CDCA7L: variants seen among roughly 807,000 people sequenced by gnomAD.
The protein encoded by CDCA7L is cell division cycle-associated 7-like protein.
In CDCA7L, 44 loss-of-function variants were observed where a neutral mutation model predicts 57.4. The ratio of observed to expected loss-of-function variants is 0.77; its 90% confidence interval spans 0.60 to 0.98. CDCA7L has a LOEUF of 0.98. CDCA7L is among the 50% of genes least tolerant of loss of function. CDCA7L has a pLI of 0.00. For synonymous variants in CDCA7L, 236 were observed against 202.8 expected (o/e 1.16, Z -1.39); for missense variants, 644 against 580.6 (o/e 1.11, Z -1.12).
intron 7 of CDCA7L, among the ~76,000 whole-genome samples, chr7:21,904,810 G>A (rs539684999): frequency 1.3e-5 from 2 of 152,250 alleles, no homozygotes; most frequent in East Asian, 3.9e-4. Flanking sequence ...TAGGTCAGAT[G>A]AGGCTGAGCA....
chr7:21,908,358 C>A lies in CDCA7L; in HGVS notation c.453G>T (p.Lys151Asn). Residue 151 changes from lysine (K) to asparagine (N), a missense_variant, in exon 4 of 10, where the codon AAG (lysine) becomes AAT (asparagine). Physicochemically the swap from Lys to Asn is moderately conservative, Grantham distance 94. Coordinates refer to ENST00000406877, the MANE Select transcript of CDCA7L (RefSeq NM_018719.5). ...TTTTATCTGGTTTGTTGGCCAGCTTCTTGGTGGGGAACTGAAAGGCTACTC... is the reference window on the plus strand; with the variant it reads ...TTTTATCTGGTTTGTTGGCCAGCTTATTGGTGGGGAACTGAAAGGCTACTC... ...GLRVAFQFPTKKLANKPDKNS... is the reference protein window; with the variant it reads ...GLRVAFQFPTNKLANKPDKNS... The A allele has an allele frequency of 6.2e-7, 1 of 1,610,604 alleles. No individual in the cohort carries two copies. The highest frequency in any genetic ancestry group is 8.5e-7 in the Non-Finnish European group (1 of 1,179,102).
At chr7:21,912,499 C>T (rs1583851340) in intron 2 of CDCA7L, among the ~76,000 whole-genome samples, 1 of 152,194 alleles carries the variant, frequency 6.6e-6, no homozygotes, top group Admixed American at 6.5e-5. Context: ...AGAACCAAAA[C>T]ACATGGAAAG....
rs988566131 is a variant in CDCA7L at position 21,901,209 on chromosome 7, T to G, written c.*1113A>C. On this transcript the variant is annotated 3_prime_UTR_variant, in exon 10 of 10. Coordinates refer to ENST00000406877, the MANE Select transcript of CDCA7L (RefSeq NM_018719.5). ...TCAGGCTGAAGAGCGAAGAGAAGACTGCAAAATGGGTTCTGGCTGGAGTGG... is the reference window on the plus strand; with the variant it reads ...TCAGGCTGAAGAGCGAAGAGAAGACGGCAAAATGGGTTCTGGCTGGAGTGG... 19 of 1,613,742 alleles carry G rather than the reference T, an allele frequency of 1.2e-5. No homozygotes were observed. The highest frequency in any genetic ancestry group is 1.6e-5 in the Non-Finnish European group (19 of 1,179,796).
chr7:21,941,822 A>AT (rs1259506578), intron 1 of CDCA7L, among the ~76,000 whole-genome samples: 1 of 152,236 alleles, frequency 6.6e-6, no homozygotes, highest in African/African-American at 2.4e-5. Context: ...ATTAAATCTG[A>AT]TAACTTTTAA....
At position 21,903,071 on chromosome 7, in the gene CDCA7L, T is replaced by A. The variant is rs879754457; in HGVS notation, c.1241A>T (p.Tyr414Phe). The A allele has an allele frequency of 1.2e-6, 2 of 1,613,868 alleles. No individual in the cohort carries two copies. The highest frequency in any genetic ancestry group is 1.7e-6 in the Non-Finnish European group (2 of 1,179,926). The change falls in exon 9 of 10, where the codon TAC becomes TTC. Residue 414 changes from tyrosine (Y) to phenylalanine (F), a missense_variant. By Grantham distance (22) the Tyr-to-Phe change is conservative. Coordinates refer to ENST00000406877, the MANE Select transcript of CDCA7L (RefSeq NM_018719.5). ...PPCRGICNCS[Y>F]CRKRDGRCAT... ...ACAGCGGCCGTCACGCTTCCGACAG[T>A]AGCTGCAATTGCAGATCCCACGACA...
Position 21,904,277 on chromosome 7 carries a change from T to G in CDCA7L, c.1048-18A>C. ...GTGTTACCCTACAGGGGGAAGGCAG[T>G]GAGCAGGTGAACACAGGGATATGCT... On this transcript the variant is annotated intron_variant, in intron 7 of 9. Coordinates refer to ENST00000406877, the MANE Select transcript of CDCA7L (RefSeq NM_018719.5). 1 of 1,581,962 alleles carries G rather than the reference T, an allele frequency of 6.3e-7. No individual in the cohort carries two copies.
At chr7:21,906,714 G>C in intron 4 of CDCA7L, 75 bp from the exon 5 acceptor site, 1 of 1,425,900 alleles carries the variant, frequency 7.0e-7, no homozygotes, top group Non-Finnish European at 9.9e-7. Flanking sequence ...CCTATCTCAA[G>C]TCTTCCATTT....
chr7:21,926,980 T>A (rs2082617508), intron 1 of CDCA7L, among the ~76,000 whole-genome samples: 2 of 152,192 alleles, frequency 1.3e-5, no homozygotes, highest in Non-Finnish European at 2.9e-5. Flanking sequence ...AGAAAAGATC[T>A]AAGATGATCT....
chr7:21,904,708 G>C (rs1198643310), intron 7 of CDCA7L, among the ~76,000 whole-genome samples: 1 of 152,158 alleles, frequency 6.6e-6, no homozygotes, highest in Non-Finnish European at 1.5e-5. Context: ...TGGAAAAACT[G>C]TCTTTCACAA....
intron 1 of CDCA7L, among the ~76,000 whole-genome samples, chr7:21,945,327 T>G (rs1786485277): frequency 1.3e-5 from 2 of 152,024 alleles, no homozygotes; most frequent in African/African-American, 4.8e-5. Flanking sequence ...TTAAACTCCA[T>G]TATCCAAGTT....
At chr7:21,942,085 A>G (rs1002830326) in intron 1 of CDCA7L, among the ~76,000 whole-genome samples, 1 of 152,202 alleles carries the variant, frequency 6.6e-6, no homozygotes, top group Non-Finnish European at 1.5e-5. Context: ...ACCAATGCCT[A>G]GCACATAACC....
intron 1 of CDCA7L, among the ~76,000 whole-genome samples, chr7:21,944,375 C>G (rs150035560): frequency 2.9e-5 from 4 of 139,838 alleles, no homozygotes; most frequent in Non-Finnish European, 6.0e-5. Context: ...TGCTTGAACC[C>G]GGGAGGCGAA....
chr7:21,908,569 G>A (rs951405512), intron 3 of CDCA7L, 62 bp from the exon 4 acceptor site: 2 of 1,385,760 alleles, frequency 1.4e-6, no homozygotes, highest in Admixed American at 2.8e-5. Context: ...AAAAAGACAT[G>A]CATTTAAAAC....
intron 1 of CDCA7L, among the ~76,000 whole-genome samples, chr7:21,920,580 GAAC>G (rs1487890761): frequency 1.3e-5 from 2 of 152,152 alleles, no homozygotes; most frequent in African/African-American, 4.8e-5. Flanking sequence ...GGACAAACAA[GAAC>G]AACACTTACA....
At chr7:21,916,915 G>T in intron 1 of CDCA7L, 21 bp from the exon 2 acceptor site, 2 of 1,613,690 alleles carry the variant, frequency 1.2e-6, no homozygotes, top group Non-Finnish European at 1.7e-6. Context: ...TTCAAAAGAG[G>T]CAGGATTAAA....
At chr7:21,914,456 A>C (rs767272774) in intron 2 of CDCA7L, among the ~76,000 whole-genome samples, 3 of 152,192 alleles carry the variant, frequency 2.0e-5, no homozygotes, top group African/African-American at 7.2e-5. Context: ...ACACGGAGGG[A>C]AAGAAAATCC....
intron 1 of CDCA7L, among the ~76,000 whole-genome samples, chr7:21,933,818 A>G (rs1786087238): frequency 6.6e-6 from 1 of 152,020 alleles, no homozygotes; most frequent in South Asian, 2.1e-4. Flanking sequence ...AAAAAAAAAG[A>G]TTATCAGCCG....
intron 1 of CDCA7L, among the ~76,000 whole-genome samples, chr7:21,926,203 C>T (rs1252168184): frequency 2.0e-5 from 3 of 151,474 alleles, no homozygotes; most frequent in Non-Finnish European, 4.4e-5. Context: ...TTTTCTATAA[C>T]TATATATTAA....
chr7:21,934,875 T>C (rs1256674798), intron 1 of CDCA7L, among the ~76,000 whole-genome samples: 1 of 152,150 alleles, frequency 6.6e-6, no homozygotes, highest in African/African-American at 2.4e-5. Flanking sequence ...CAATTATAAA[T>C]ATATACACAC....
Sources: gnomAD v4.1 joint callset for allele counts (sites outside exome capture counted in the v4.1 genomes callset) on GRCh38, gnomAD v4.1.1 for gene constraint, MANE v1.5 for transcripts, NCBI Gene and HGNC (gene_info 2026-07-23, HGNC 2026-07-21) for gene names.